IL15: variants seen among roughly 807,000 people sequenced by gnomAD.
IL15 encodes the protein interleukin-15.
IL15 carries 11 observed loss-of-function variants against 19.6 expected under a neutral mutation model. That is an observed-to-expected ratio of 0.56 (90% CI 0.35 to 0.93). IL15 has a LOEUF of 0.93. IL15 is among the 40% of genes least tolerant of loss of function. IL15 has a pLI of 0.01. For synonymous variants in IL15, 58 were observed against 59.6 expected, an observed-to-expected ratio of 0.97 and a Z score of 0.12; for missense variants, 197 against 186.5, an observed-to-expected ratio of 1.06 and a Z score of -0.33.
At chr4:141,713,480 C>T (rs977800718) in intron 2 of IL15, among the ~76,000 whole-genome samples, 22 of 152,196 alleles carry the variant, frequency 1.4e-4, no homozygotes, top group Admixed American at 1.2e-3. Flanking sequence ...TAATCACTGG[C>T]AACAAAGTCT....
At chr4:141,672,900 T>G (rs1344339977) in intron 2 of IL15, among the ~76,000 whole-genome samples, 1 of 152,190 alleles carries the variant, frequency 6.6e-6, no homozygotes, top group Non-Finnish European at 1.5e-5. Flanking sequence ...TCTCCCTACC[T>G]GTAAGTCCCA....
In IL15 at chr4:141,725,324, G is replaced by T. The variant is rs1046972739; in HGVS notation, c.196-2616G>T. Among the ~76,000 whole-genome samples, 9 of 152,142 alleles carry T rather than the reference G, an allele frequency of 5.9e-5. No homozygotes were observed. The East Asian group carries it at 1.7e-3, about 29-fold the overall frequency. ...AAATGTGACTGTATTTTGAGATAGGGTCAGTTAAAATGAGGTCATGAGGGC... is the reference window on the plus strand; with the variant it reads ...AAATGTGACTGTATTTTGAGATAGGTTCAGTTAAAATGAGGTCATGAGGGC... On this transcript the variant is annotated intron_variant, in intron 5 of 7. Coordinates refer to ENST00000320650, the MANE Select transcript of IL15 (RefSeq NM_000585.5).
chr4:141,732,087 A>T (rs751142595), intron 7 of IL15, among the ~76,000 whole-genome samples: 1 of 152,206 alleles, frequency 6.6e-6, no homozygotes, highest in South Asian at 2.1e-4. Flanking sequence ...GTAAAACTTC[A>T]TAATATGAAT....
At chr4:141,661,122 G>A (rs953019461) in intron 2 of IL15, among the ~76,000 whole-genome samples, 1 of 152,198 alleles carries the variant, frequency 6.6e-6, no homozygotes, top group Non-Finnish European at 1.5e-5. Context: ...CCCAGAGACA[G>A]TGAGTAACCA....
chr4:141,647,754 A>T (rs2152153980), intron 1 of IL15, among the ~76,000 whole-genome samples: 1 of 151,662 alleles, frequency 6.6e-6, no homozygotes, highest in East Asian at 1.9e-4. Context: ...ATCTTTAAAG[A>T]CTCACTTTCT....
chr4:141,723,270 A>G (rs1200938410), intron 5 of IL15, among the ~76,000 whole-genome samples: 1 of 152,196 alleles, frequency 6.6e-6, no homozygotes, highest in Non-Finnish European at 1.5e-5. Context: ...TTGAAATAAT[A>G]TCTTTGCAAA....
chr4:141,725,184 A>C (rs1730217364), intron 5 of IL15, among the ~76,000 whole-genome samples: 1 of 152,204 alleles, frequency 6.6e-6, no homozygotes. Context: ...AACAGGCTAA[A>C]GAAGAAAATC....
intron 2 of IL15, among the ~76,000 whole-genome samples, chr4:141,671,511 C>G (rs1381951136): frequency 6.6e-6 from 1 of 152,058 alleles, no homozygotes. Flanking sequence ...CATTGTTTTA[C>G]TGGTTGACTG....
At chr4:141,714,551 C>A (rs1202621228) in intron 2 of IL15, 1 of 152,264 alleles carries the variant, frequency 6.6e-6, no homozygotes, top group Non-Finnish European at 1.5e-5. Context: ...GCTTCTGCCT[C>A]CATCTAACCC....
intron 1 of IL15, among the ~76,000 whole-genome samples, chr4:141,646,752 C>T (rs893375100): frequency 1.3e-5 from 2 of 151,918 alleles, no homozygotes; most frequent in Non-Finnish European, 2.9e-5. Flanking sequence ...GTTTTTGGAG[C>T]TTTTTTGATT....
At chr4:141,712,105 G>A (rs751900354) in intron 2 of IL15, among the ~76,000 whole-genome samples, 16 of 151,986 alleles carry the variant, frequency 1.1e-4, no homozygotes, top group Non-Finnish European at 2.1e-4. Flanking sequence ...TGTTTTGATT[G>A]TTTCATTCTG....
intron 2 of IL15, among the ~76,000 whole-genome samples, chr4:141,663,354 C>A (rs968520418): frequency 6.6e-6 from 1 of 152,136 alleles, no homozygotes; most frequent in African/African-American, 2.4e-5. Context: ...ACCCTTATAA[C>A]GAAAGACAGA....
intron 2 of IL15, among the ~76,000 whole-genome samples, chr4:141,690,863 G>T (rs1443504119): frequency 6.6e-6 from 1 of 152,096 alleles, no homozygotes; most frequent in Non-Finnish European, 1.5e-5. Context: ...TTACTGGTGT[G>T]CTTCATGTTT....
rs115502553 is a variant in IL15 at position 141,639,204 on chromosome 4, A to T, written c.-222+2456A>T. On this transcript the variant is annotated intron_variant, in intron 1 of 7. Transcript: ENST00000320650. The stretch of plus-strand genomic sequence containing the variant: ...TGGTAGAGTTGGAATTCCAACTGAG[A>T]CAAGTTTAAGACTGGTGGTATTTAT... Among the ~76,000 whole-genome samples the T allele has an allele frequency of 2.6e-3, 392 of 152,324 alleles. 4 individuals are homozygous for T. Among genetic ancestry groups the T allele is most frequent in the African/African-American group, 8.9e-3 (369 of 41,594 alleles).
At chr4:141,725,376 C>CGA in intron 5 of IL15, among the ~76,000 whole-genome samples, 1 of 152,214 alleles carries the variant, frequency 6.6e-6, no homozygotes, top group African/African-American at 2.4e-5. Context: ...TGACTGGTAT[C>CGA]TTTAGAAAAA....
At chr4:141,666,386 C>T (rs1727987551) in intron 2 of IL15, among the ~76,000 whole-genome samples, 1 of 152,134 alleles carries the variant, frequency 6.6e-6, no homozygotes. Context: ...GACAGGGTCT[C>T]ACTCTCTCAG....
At chr4:141,723,120 A>G (rs1247143402) in intron 5 of IL15, among the ~76,000 whole-genome samples, 1 of 152,178 alleles carries the variant, frequency 6.6e-6, no homozygotes, top group Non-Finnish European at 1.5e-5. Context: ...TATACTATCT[A>G]TAAGCAGTTC....
In IL15 at chr4:141,667,429, A is replaced by T. The variant is rs78252225; in HGVS notation, c.-100+11122A>T. Among the ~76,000 whole-genome samples, 3 of 152,208 alleles carry T rather than the reference A, an allele frequency of 2.0e-5. No homozygotes were observed. The East Asian group carries it at 5.8e-4, about 29-fold the overall frequency. On this transcript the variant is annotated intron_variant, in intron 2 of 7. Coordinates refer to ENST00000320650, the MANE Select transcript of IL15 (RefSeq NM_000585.5). ...GAGTTGGGTGTCCACTGCAGAACTG[A>T]TTGCTTGCTTGTTGGTTAGGAGAAA... is the stretch of plus-strand genomic sequence containing the variant.
chr4:141,698,839 C>G (rs986715634), intron 2 of IL15, among the ~76,000 whole-genome samples: 1 of 151,572 alleles, frequency 6.6e-6, no homozygotes, highest in East Asian at 1.9e-4. Flanking sequence ...TAGTTCTGCT[C>G]GGATCTTTGT....
Sources: allele counts gnomAD v4.1 joint callset (sites outside exome capture counted in the v4.1 genomes callset), GRCh38; gene constraint gnomAD v4.1.1; transcripts MANE v1.5; gene names NCBI Gene and HGNC (gene_info 2026-07-23, HGNC 2026-07-21).